Variants in HERC5 observed in about 807,000 individuals in gnomAD.
HERC5 encodes E3 ISG15--protein ligase HERC5.
HERC5 carries 99 observed loss-of-function variants against 119.6 expected under a neutral mutation model. The ratio of observed to expected loss-of-function variants is 0.83; its 90% CI spans 0.70 to 0.98. The LOEUF (loss-of-function observed/expected upper bound fraction) is 0.98, where lower values mean the gene tolerates loss of function less well. Among genes scored for constraint, HERC5 ranks in the 50% least tolerant of loss-of-function variants. The probability of loss-of-function intolerance (pLI) is 0.00; values close to 1 mark genes in which losing one functional copy is unlikely to be tolerated. For missense variants in HERC5, 1,267 were observed against 1,241.3 expected, an observed-to-expected ratio of 1.02 and a Z score of -0.31; for synonymous variants, 478 against 445.9, an observed-to-expected ratio of 1.07 and a Z score of -0.91.
chr4:88,467,998 C>A, intron 7 of HERC5: 1 of 461,666 alleles, frequency 2.2e-6, no homozygotes, highest in Non-Finnish European at 2.9e-6. Context: ...TCTTTATAGC[C>A]AGCAGTCATT....
At position 88,457,637 on chromosome 4, in the gene HERC5, C is replaced by T. The variant is rs1740211874; in HGVS notation, c.265+103C>T. 1.0e-5 allele frequency: 12 copies of T among 1,152,796 alleles called. No homozygotes were observed. The South Asian group carries it at 3.9e-4, about 38-fold the overall frequency. 71.4% of individuals were successfully genotyped at this position (1,152,796 alleles called of 1,614,324 possible). ...GGGTCCGCGCCTGAGGGAGGAGAGC[C>T]CAGAAGGCCGCAGACGCGCGCCTGG... is the stretch of plus-strand genomic sequence containing the variant. On this transcript the variant is annotated intron_variant, in intron 1 of 22. Transcript: ENST00000264350.
intron 13 of HERC5, among the ~76,000 whole-genome samples, chr4:88,479,844 G>A (rs1029523192): frequency 2.6e-5 from 4 of 152,070 alleles, no homozygotes; most frequent in Admixed American, 6.6e-5. Context: ...AAGGCGGGCG[G>A]ATCACGAGGT....
At chr4:88,472,348 A>T in intron 10 of HERC5, 61 bp from the exon 11 acceptor site, 1 of 940,242 alleles carries the variant, frequency 1.1e-6, no homozygotes, top group African/African-American at 1.7e-5. Flanking sequence ...CAAGCTCTAG[A>T]AGAAACTTTG....
intron 3 of HERC5, among the ~76,000 whole-genome samples, chr4:88,460,588 G>A (rs927746411): frequency 6.6e-6 from 1 of 152,064 alleles, no homozygotes; most frequent in African/African-American, 2.4e-5. Context: ...TTTTAACATT[G>A]CTTTTGAATT....
rs186833882 is a variant in HERC5, at chr4:88,492,573, G to A, written c.2134-439G>A. Among the ~76,000 whole-genome samples, 506 of 151,552 alleles carry A rather than the reference G, an allele frequency of 3.3e-3. 6 individuals are homozygous for A. Among genetic ancestry groups the A allele is most frequent in the African/African-American group, 0.012 (489 of 41,312 alleles). On this transcript the variant is annotated intron_variant, in intron 16 of 22. Coordinates refer to ENST00000264350, the MANE Select transcript of HERC5 (RefSeq NM_016323.4). ...AGCCTGGCCAACACAGTGAAACCCC[G>A]TCTCTACTTAAAATACAAAAAAATT...
chr4:88,467,392 A>G (rs560206017), intron 7 of HERC5, among the ~76,000 whole-genome samples, 188 bp downstream of exon 7: 58 of 152,340 alleles, frequency 3.8e-4, no homozygotes, highest in Admixed American at 6.5e-4. Flanking sequence ...TAATTATTCT[A>G]TATTACTCCT....
intron 6 of HERC5, 51 bp from the exon 7 acceptor site, chr4:88,467,008 C>G: frequency 3.2e-6 from 5 of 1,582,194 alleles, no homozygotes; most frequent in Non-Finnish European, 4.3e-6. Flanking sequence ...GCTAAACACT[C>G]TCATCATTGT....
At position 88,500,003 on chromosome 4, in the gene HERC5, A is replaced by T; in HGVS notation, c.2511+11A>T. 6.7e-7 allele frequency: 1 copy of T among 1,495,148 alleles called. No individual in the cohort carries two copies. The highest frequency in any genetic ancestry group is 9.3e-7 in the Non-Finnish European group (1 of 1,072,196). 92.6% of individuals were successfully genotyped at this position (1,495,148 alleles called of 1,614,324 possible). A position where few individuals can be genotyped will look rare whatever the true frequency, so the allele number is the denominator to read the frequency against. ...TACATCCATTTTAATGTGAGTAACAATAAAAGCAGATAACAGATTAGTTTT... is the reference window on the plus strand; with the variant it reads ...TACATCCATTTTAATGTGAGTAACATTAAAAGCAGATAACAGATTAGTTTT... On this transcript the variant is annotated intron_variant, in intron 19 of 22. Coordinates refer to ENST00000264350, the MANE Select transcript of HERC5 (RefSeq NM_016323.4).
Position 88,504,218 on chromosome 4 carries a change from T to C in HERC5, c.2583-14T>C, listed in dbSNP as rs1477534045. 2 of 1,531,068 alleles carry C rather than the reference T, an allele frequency of 1.3e-6. No individual in the cohort carries two copies. Among genetic ancestry groups the C allele is most frequent in the Admixed American group, 1.8e-5 (1 of 55,322 alleles). 94.8% of individuals were successfully genotyped at this position (1,531,068 alleles called of 1,614,324 possible). A position where few individuals can be genotyped will look rare whatever the true frequency, so the allele number is the denominator to read the frequency against. On this transcript the variant is annotated splice_polypyrimidine_tract_variant and intron_variant, in intron 20 of 22. Coordinates refer to ENST00000264350, the MANE Select transcript of HERC5 (RefSeq NM_016323.4). ...TATTGCAGTAAGTGGAAATAACATT[T>C]TGTTTTATTAAAGGAGAGACTATGT...
At chr4:88,490,713 G>A (rs1341286775) in intron 16 of HERC5, among the ~76,000 whole-genome samples, 6 of 151,998 alleles carry the variant, frequency 3.9e-5, no homozygotes, top group South Asian at 4.1e-4. Flanking sequence ...GTGTGGTGGC[G>A]GGCGCCTGTA....
intron 7 of HERC5, chr4:88,467,840 C>T: frequency 3.1e-6 from 3 of 973,476 alleles, no homozygotes; most frequent in Non-Finnish European, 3.7e-6. Flanking sequence ...TGGAGCATTT[C>T]TGTTACTTGT....
At chr4:88,479,711 A>G (rs1003655466) in intron 13 of HERC5, among the ~76,000 whole-genome samples, 1 of 152,142 alleles carries the variant, frequency 6.6e-6, no homozygotes, top group East Asian at 1.9e-4. Flanking sequence ...AAATAATAAA[A>G]TAAACATTAG....
intron 12 of HERC5, among the ~76,000 whole-genome samples, chr4:88,477,219 AAAAG>A (rs1209486056): frequency 4.9e-5 from 5 of 102,016 alleles, no homozygotes; most frequent in South Asian, 7.8e-4. Flanking sequence ...ACAATCAATC[AAAAG>A]AAAGGAAGGA....
chr4:88,474,613 T>C (rs115033892), intron 11 of HERC5, among the ~76,000 whole-genome samples: 54 of 152,302 alleles, frequency 3.5e-4, no homozygotes, highest in African/African-American at 1.3e-3. Flanking sequence ...ATTATAACAA[T>C]TCGTACATTT....
At position 88,479,367 on chromosome 4, in the gene HERC5, A is replaced by G; in HGVS notation, c.1597A>G (p.Thr533Ala). The G allele has an allele frequency of 6.2e-7, 1 of 1,603,996 alleles. No homozygotes were observed. Among genetic ancestry groups the G allele is most frequent in the Non-Finnish European group, 8.5e-7 (1 of 1,177,316 alleles). ...SSLVLEEYWA[T>A]LQESTFSKLV... ...GTGTTCCTCAGAAGAGTATTGGGCA[A>G]CTCTGCAAGAATCCACTTTCAGCAA... Residue 533 changes from threonine to alanine, a missense_variant, in exon 13 of 23, where the codon ACT becomes GCT. Transcript: ENST00000264350.
chr4:88,499,004 G>A (rs1176508767), intron 18 of HERC5, among the ~76,000 whole-genome samples: 2 of 152,168 alleles, frequency 1.3e-5, no homozygotes, highest in African/African-American at 4.8e-5. Context: ...TCACAATACA[G>A]TAATTTAAAA....
At chr4:88,462,056 A>G in intron 3 of HERC5, 79 bp from the exon 4 acceptor site, 3 of 1,139,798 alleles carry the variant, frequency 2.6e-6, no homozygotes, top group Admixed American at 4.0e-5. Context: ...TATACTAGGT[A>G]GAGCATGCAT....
intron 9 of HERC5, among the ~76,000 whole-genome samples, chr4:88,470,263 C>T (rs1740824533): frequency 6.6e-6 from 1 of 152,152 alleles, no homozygotes; most frequent in Admixed American, 6.5e-5. Context: ...ATTTCTACTT[C>T]AGTGGAATAG....
chr4:88,500,420 A>C (rs1460229476), intron 19 of HERC5, among the ~76,000 whole-genome samples: 2 of 152,256 alleles, frequency 1.3e-5, no homozygotes, highest in Non-Finnish European at 2.9e-5. Context: ...TTAGGGTTAC[A>C]GAGAGGAAGC....
Sources: allele counts gnomAD v4.1 joint callset (sites outside exome capture counted in the v4.1 genomes callset), GRCh38; gene constraint gnomAD v4.1.1; transcripts MANE v1.5; gene names NCBI Gene and HGNC (gene_info 2026-07-23, HGNC 2026-07-21).